The following HS3ST2 variants were observed in gnomAD, a reference collection of about 807,000 sequenced individuals.
The protein encoded by HS3ST2 is heparan sulfate glucosamine 3-O-sulfotransferase 2.
Under a neutral mutation model 26.3 loss-of-function variants are expected in HS3ST2, and 17 were observed. The ratio of observed to expected loss-of-function variants is 0.65; its 90% CI spans 0.44 to 0.97. The LOEUF (loss-of-function observed/expected upper bound fraction) is 0.97, where lower values mean the gene tolerates loss of function less well. Ranked by LOEUF, HS3ST2 falls within the 50% of genes least tolerant of loss-of-function variation. The probability of loss-of-function intolerance (pLI) is 0.00; values close to 1 mark genes in which losing one functional copy is unlikely to be tolerated. For synonymous variants in HS3ST2, 237 were observed against 219.2 expected (o/e 1.08, Z -0.72); for missense variants, 402 against 501.2 (o/e 0.80, Z 1.89).
At chr16:22,906,109 A>C (rs181282393) in intron 1 of HS3ST2, among the ~76,000 whole-genome samples, 1 of 152,258 alleles carries the variant, frequency 6.6e-6, no homozygotes, top group Admixed American at 6.5e-5. Context: ...ACGGTGGCTC[A>C]TGCCTGTAAT....
At chr16:22,828,579 G>A (rs1338381481) in intron 1 of HS3ST2, among the ~76,000 whole-genome samples, 1 of 152,226 alleles carries the variant, frequency 6.6e-6, no homozygotes, top group African/African-American at 2.4e-5. Context: ...TTTCTGCTTT[G>A]ATGGTTTTAA....
chr16:22,874,127 G>A (rs1357639791), intron 1 of HS3ST2, among the ~76,000 whole-genome samples: 1 of 152,174 alleles, frequency 6.6e-6, no homozygotes, highest in Non-Finnish European at 1.5e-5. Context: ...AATACAGGAA[G>A]GGGACTTCAT....
chr16:22,888,332 A>G (rs1902088273), intron 1 of HS3ST2, among the ~76,000 whole-genome samples: 1 of 149,594 alleles, frequency 6.7e-6, no homozygotes, highest in Admixed American at 6.7e-5. Flanking sequence ...GTGTAATCTC[A>G]CAGATACAAA....
chr16:22,855,708 C>CTG (rs1901584659), intron 1 of HS3ST2, among the ~76,000 whole-genome samples: 1 of 151,606 alleles, frequency 6.6e-6, no homozygotes, highest in Non-Finnish European at 1.5e-5. Flanking sequence ...CTCTCTCTCT[C>CTG]TCTCTCTCTC....
intron 1 of HS3ST2, among the ~76,000 whole-genome samples, chr16:22,827,080 T>C (rs1044864672): frequency 3.9e-5 from 6 of 152,012 alleles, no homozygotes; most frequent in African/African-American, 1.4e-4. Context: ...GAAGGCAATA[T>C]TTGAGTGATG....
intron 1 of HS3ST2, among the ~76,000 whole-genome samples, chr16:22,906,464 T>C (rs1185653901): frequency 6.6e-6 from 1 of 152,244 alleles, no homozygotes; most frequent in Non-Finnish European, 1.5e-5. Context: ...CCCAGACTTT[T>C]GCATTGCTCC....
At chr16:22,849,180 C>T (rs768195208) in intron 1 of HS3ST2, among the ~76,000 whole-genome samples, 4 of 152,158 alleles carry the variant, frequency 2.6e-5, no homozygotes, top group Non-Finnish European at 4.4e-5. Flanking sequence ...TAGACCCACT[C>T]TCTGGCAGTT....
intron 1 of HS3ST2, among the ~76,000 whole-genome samples, chr16:22,912,101 G>A (rs762942798): frequency 6.6e-6 from 1 of 152,124 alleles, no homozygotes; most frequent in Non-Finnish European, 1.5e-5. Context: ...TCCAGCCTGG[G>A]CGACAGCATA....
intron 1 of HS3ST2, among the ~76,000 whole-genome samples, chr16:22,909,576 T>C (rs1192251507): frequency 6.6e-6 from 1 of 152,184 alleles, no homozygotes; most frequent in Non-Finnish European, 1.5e-5. Context: ...TCTATTCCAA[T>C]GACCCAAGGA....
chr16:22,884,656 A>T (rs1340329698), intron 1 of HS3ST2, among the ~76,000 whole-genome samples: 3 of 144,398 alleles, frequency 2.1e-5, no homozygotes, highest in Non-Finnish European at 4.5e-5. Flanking sequence ...AAATAGAGAA[A>T]AAAATATATA....
At chr16:22,840,849 A>G (rs1003477889) in intron 1 of HS3ST2, among the ~76,000 whole-genome samples, 2 of 152,156 alleles carry the variant, frequency 1.3e-5, no homozygotes, top group Admixed American at 6.5e-5. Context: ...GTTTTAGGGT[A>G]CATGTGCACA....
At chr16:22,896,782 TTTCTTTCTTTTCTC>T (rs1399734331) in intron 1 of HS3ST2, among the ~76,000 whole-genome samples, 1 of 152,176 alleles carries the variant, frequency 6.6e-6, no homozygotes, top group Non-Finnish European at 1.5e-5. Context: ...TTTCTTTTGT[TTTCTTTCTTTTCTC>T]TTCTTTCTTT....
intron 1 of HS3ST2, among the ~76,000 whole-genome samples, chr16:22,901,611 T>A (rs1902282885): frequency 6.6e-6 from 1 of 152,200 alleles, no homozygotes; most frequent in South Asian, 2.1e-4. Flanking sequence ...TGTCCCACGG[T>A]CAGCTGCAGA....
At chr16:22,886,234 T>A (rs1431116457) in intron 1 of HS3ST2, among the ~76,000 whole-genome samples, 2 of 152,232 alleles carry the variant, frequency 1.3e-5, no homozygotes, top group African/African-American at 4.8e-5. Context: ...AAGTAACAGA[T>A]GCTTTAGAGC....
At chr16:22,853,586 T>G (rs1240355224) in intron 1 of HS3ST2, among the ~76,000 whole-genome samples, 1 of 152,142 alleles carries the variant, frequency 6.6e-6, no homozygotes, top group African/African-American at 2.4e-5. Flanking sequence ...AGGAGGATGA[T>G]CGGCATTGGT....
At chr16:22,830,324 G>A (rs1901150592) in intron 1 of HS3ST2, among the ~76,000 whole-genome samples, 1 of 152,180 alleles carries the variant, frequency 6.6e-6, no homozygotes, top group African/African-American at 2.4e-5. Flanking sequence ...CACAGAATGT[G>A]AGTGCCTTTC....
At chr16:22,895,070 C>CTT (rs55861016) in intron 1 of HS3ST2, among the ~76,000 whole-genome samples, 4 of 134,722 alleles carry the variant, frequency 3.0e-5, no homozygotes, top group South Asian at 2.4e-4. Flanking sequence ...TTCTTTCTTT[C>CTT]TTTTTTTTTT....
chr16:22,852,263 T>C lies in HS3ST2; in HGVS notation c.485+37168T>C, dbSNP rs139355804. 5.7e-3 allele frequency among the ~76,000 whole-genome samples: 870 copies of C among 152,294 alleles called. 11 individuals are homozygous for C. The highest frequency in any genetic ancestry group is 0.02 in the African/African-American group (818 of 41,552). ...AGAAACCCTGGTCTAAATGAGCTCCTAGTGTAGACACAGGAGCAAAAATAA... is the reference window on the plus strand; with the variant it reads ...AGAAACCCTGGTCTAAATGAGCTCCCAGTGTAGACACAGGAGCAAAAATAA... On this transcript the variant is annotated intron_variant, in intron 1 of 1. Coordinates refer to ENST00000261374, the MANE Select transcript of HS3ST2 (RefSeq NM_006043.2).
At chr16:22,892,151 G>A (rs982323554) in intron 1 of HS3ST2, among the ~76,000 whole-genome samples, 19 of 151,404 alleles carry the variant, frequency 1.3e-4, no homozygotes, top group South Asian at 2.1e-4. Context: ...TTAGCCGGGC[G>A]TGGTGGCAGG....
Sources: gnomAD v4.1 joint callset for allele counts (sites outside exome capture counted in the v4.1 genomes callset) on GRCh38, gnomAD v4.1.1 for gene constraint, MANE v1.5 for transcripts, NCBI Gene and HGNC (gene_info 2026-07-23, HGNC 2026-07-21) for gene names.